FRYL: variants seen among roughly 807,000 people sequenced by gnomAD.
FRYL encodes the protein protein furry homolog-like.
Under a neutral mutation model 351.2 loss-of-function variants are expected in FRYL, and 150 were observed. The ratio of observed to expected loss-of-function variants is 0.43; its 90% CI spans 0.37 to 0.49. The LOEUF (loss-of-function observed/expected upper bound fraction) is 0.49. Among genes scored for constraint, FRYL ranks in the 20% least tolerant of loss-of-function variants. The pLI, the probability that FRYL is intolerant of heterozygous loss-of-function variation, is 0.00. For synonymous variants in FRYL, 1,153 were observed against 1,257.1 expected, an observed-to-expected ratio of 0.92 and a Z score of 1.75; for missense variants, 3,036 against 3,619.3, an observed-to-expected ratio of 0.84 and a Z score of 4.13.
chr4:48,499,107 C>G lies in FRYL; in HGVS notation c.*315G>C, dbSNP rs1237517876. On this transcript the variant is annotated 3_prime_UTR_variant, in exon 64 of 64. Coordinates refer to ENST00000358350, the MANE Select transcript of FRYL (RefSeq NM_015030.2). ...ATTGGAGGCCATTATTGCAAACATT[C>G]TTGGAATTCTTTTCTTTCCCCAGAA... 1 of 226,770 alleles carries G rather than the reference C, an allele frequency of 4.4e-6. No individual in the cohort carries two copies. The highest frequency in any genetic ancestry group is 2.3e-5 in the African/African-American group (1 of 43,228). The allele number at this position is 226,770 out of a possible 1,614,324, so 14.0% of individuals were successfully genotyped here.
chr4:48,532,180 G>A (rs1183942818), intron 49 of FRYL, among the ~76,000 whole-genome samples: 2 of 151,940 alleles, frequency 1.3e-5, no homozygotes, highest in Non-Finnish European at 2.9e-5. Context: ...TTCTTTCACA[G>A]CTGATATCTG....
At position 48,531,041 on chromosome 4, in the gene FRYL, C is replaced by T. The variant is rs572415937; in HGVS notation, c.6903+115G>A. On this transcript the variant is annotated intron_variant, in intron 50 of 63. Transcript: ENST00000358350. Reference sequence around the variant, plus strand: ...CCACTTGGTTGTTCATAACAGCTATCATATTGTCTAACACTGGGTATGAGC... The same window carrying T: ...CCACTTGGTTGTTCATAACAGCTATTATATTGTCTAACACTGGGTATGAGC... The T allele has an allele frequency of 9.4e-5, 67 of 714,254 alleles. 1 individual carries two copies. The highest frequency in any genetic ancestry group is 4.8e-4 in the South Asian group (26 of 54,392). The allele number at this position is 714,254 out of a possible 1,614,324, so 44.2% of individuals were successfully genotyped here. A position where few individuals can be genotyped will look rare whatever the true frequency, so the allele number is the denominator to read the frequency against.
chr4:48,564,624 C>T (rs1736337208), intron 30 of FRYL, among the ~76,000 whole-genome samples: 1 of 152,108 alleles, frequency 6.6e-6, no homozygotes, highest in African/African-American at 2.4e-5. Flanking sequence ...ACATATTTTT[C>T]CCATGCAGCT....
At chr4:48,555,745 T>G (rs1339990871) in intron 35 of FRYL, among the ~76,000 whole-genome samples, 1 of 152,158 alleles carries the variant, frequency 6.6e-6, no homozygotes, top group Non-Finnish European at 1.5e-5. Flanking sequence ...CACCTACAGT[T>G]CTCTAAGCAC....
At chr4:48,727,822 A>C (rs1246674913) in intron 1 of FRYL, among the ~76,000 whole-genome samples, 1 of 152,120 alleles carries the variant, frequency 6.6e-6, no homozygotes, top group East Asian at 1.9e-4. Flanking sequence ...TTCCATGTGG[A>C]GGAAAAGAAA....
chr4:48,527,564 T>G lies in FRYL; in HGVS notation c.7230A>C (p.Glu2410Asp), dbSNP rs762750075. The change falls in exon 53 of 64, where the codon GAA becomes GAC. Residue 2410 changes from glutamate (E) to aspartate (D), a missense_variant. Physicochemically the swap from Glu to Asp is conservative, Grantham distance 45. Around this residue, in one of 7 missense-constraint regions of FRYL, gnomAD observed 1,987 missense variants for 2,311.7 expected, o/e 0.86. Coordinates refer to ENST00000358350, the MANE Select transcript of FRYL (RefSeq NM_015030.2). ...CACTGCTATTATCTTCCACAGCTACTTCTTCCTCTTGATTTATGTCTTCTG... is the reference window on the plus strand; with the variant it reads ...CACTGCTATTATCTTCCACAGCTACGTCTTCCTCTTGATTTATGTCTTCTG... Reference protein sequence around the residue: ...STTEDINQEEEVAVEDNSSEQ... With the variant: ...STTEDINQEEDVAVEDNSSEQ... 1 of 1,613,438 alleles carries G rather than the reference T, an allele frequency of 6.2e-7. No homozygotes were observed. Among genetic ancestry groups the G allele is most frequent in the East Asian group, 2.2e-5 (1 of 44,854 alleles).
intron 2 of FRYL, among the ~76,000 whole-genome samples, chr4:48,700,462 T>C (rs1409540869): frequency 1.3e-5 from 2 of 152,166 alleles, no homozygotes; most frequent in East Asian, 3.8e-4. Flanking sequence ...TGTCAAACCA[T>C]GAGCTACAAT....
intron 9 of FRYL, among the ~76,000 whole-genome samples, chr4:48,607,098 G>A (rs1470725076): frequency 6.6e-6 from 1 of 152,062 alleles, no homozygotes; most frequent in African/African-American, 2.4e-5. Context: ...CTGCCAAAAG[G>A]CTTTTGAAAT....
Position 48,512,706 on chromosome 4 carries a change from A to G in FRYL, c.7938-18T>C. On this transcript the variant is annotated intron_variant, in intron 56 of 63. Transcript: ENST00000358350. ...CATCTTGACTATTAACACAGATATC[A>G]TAAATATCATAACACTATCTCAGAA... The G allele has an allele frequency of 1.9e-6, 3 of 1,554,486 alleles. No individual in the cohort carries two copies. The highest frequency in any genetic ancestry group is 2.7e-6 in the Non-Finnish European group (3 of 1,125,840).
At chr4:48,684,935 TACATG>T (rs1181255050) in intron 2 of FRYL, 140 bp from the exon 3 acceptor site, 4 of 152,234 alleles carry the variant, frequency 2.6e-5, no homozygotes, top group African/African-American at 7.2e-5. Flanking sequence ...TCAATAATGT[TACATG>T]ACATTTTTTC....
At chr4:48,572,850 T>C (rs1159758969) in intron 26 of FRYL, among the ~76,000 whole-genome samples, 2 of 152,220 alleles carry the variant, frequency 1.3e-5, no homozygotes, top group Non-Finnish European at 2.9e-5. Flanking sequence ...CCTTTTTTTA[T>C]GTAGTTTACG....
intron 37 of FRYL, among the ~76,000 whole-genome samples, chr4:48,550,954 C>T (rs1732604197): frequency 6.6e-6 from 1 of 151,992 alleles, no homozygotes. Context: ...TGCCTGTAGT[C>T]CCAGCTACTC....
intron 2 of FRYL, among the ~76,000 whole-genome samples, chr4:48,706,596 T>C (rs1040111632): frequency 2.0e-5 from 3 of 152,246 alleles, no homozygotes; most frequent in African/African-American, 7.2e-5. Flanking sequence ...TGAATGTATG[T>C]AATGCCACTG....
At chr4:48,553,672 A>C (rs1193531602) in intron 35 of FRYL, among the ~76,000 whole-genome samples, 7 of 152,054 alleles carry the variant, frequency 4.6e-5, no homozygotes, top group Non-Finnish European at 8.8e-5. Context: ...AAAAAAAAAA[A>C]ACAAAAAAAT....
chr4:48,759,165 G>T (rs1331313262), intron 1 of FRYL, among the ~76,000 whole-genome samples: 1 of 151,994 alleles, frequency 6.6e-6, no homozygotes, highest in Non-Finnish European at 1.5e-5. Flanking sequence ...CACCAACATG[G>T]CACATGTATA....
intron 3 of FRYL, chr4:48,681,163 C>T (rs1218727803): frequency 3.0e-6 from 3 of 1,009,236 alleles, no homozygotes; most frequent in Non-Finnish European, 1.2e-6. Flanking sequence ...CACAAGCACA[C>T]AGAAAGGTGC....
Position 48,595,589 on chromosome 4 carries a change from C to A in FRYL, c.1248+1G>T. On this transcript the variant is annotated splice_donor_variant, in intron 15 of 63. Transcript: ENST00000358350. LOFTEE classifies it high-confidence loss of function. ...TACATACTATGAGATGAAGCACTCA[C>A]CTGAGCAATGAACTGAATAATCTTC... The A allele has an allele frequency of 6.4e-7, 1 of 1,553,962 alleles. No homozygotes were observed. Among genetic ancestry groups the A allele is most frequent in the Non-Finnish European group, 8.9e-7 (1 of 1,128,812 alleles).
intron 4 of FRYL, among the ~76,000 whole-genome samples, chr4:48,628,381 A>G (rs941616616): frequency 6.6e-6 from 1 of 152,004 alleles, no homozygotes; most frequent in Non-Finnish European, 1.5e-5. Context: ...AAATAAAAAT[A>G]TCTGGGTACA....
intron 60 of FRYL, 27 bp downstream of exon 60, chr4:48,505,520 T>C (rs1720713220): frequency 1.1e-5 from 15 of 1,420,818 alleles, no homozygotes; most frequent in Non-Finnish European, 1.5e-5. Flanking sequence ...AAAATGTATG[T>C]TGCAAAAACA....
Sources: gnomAD v4.1 joint callset for allele counts (sites outside exome capture counted in the v4.1 genomes callset) on GRCh38, gnomAD v4.1.1 for gene constraint, gnomAD v4.1.1 regional missense constraint, MANE v1.5 for transcripts, NCBI Gene and HGNC (gene_info 2026-07-23, HGNC 2026-07-21) for gene names.